The following LRP5 variants were observed in gnomAD, a reference collection of about 807,000 sequenced individuals.
The protein encoded by LRP5 is LDL receptor related protein 5.
Under a neutral mutation model 154.1 loss-of-function variants are expected in LRP5, and 62 were observed. The observed-to-expected ratio is 0.40, with a 90% CI of 0.33 to 0.50. The LOEUF is 0.50. Ranked by LOEUF, LRP5 falls within the 20% of genes least tolerant of loss-of-function variation. LRP5 has a pLI of 0.55. For missense variants in LRP5, 1,915 were observed against 2,336.7 expected (o/e 0.82, Z 3.72); for synonymous variants, 966 against 1,011.5 (o/e 0.96, Z 0.85).
chr11:68,418,792 A>G (rs976162422), intron 13 of LRP5, among the ~76,000 whole-genome samples: 1 of 152,124 alleles, frequency 6.6e-6, no homozygotes, highest in Non-Finnish European at 1.5e-5. Flanking sequence ...GGGTGGTGGA[A>G]ATGGATTCCT....
At chr11:68,352,003 C>T (rs2098619050) in intron 2 of LRP5, among the ~76,000 whole-genome samples, 1 of 151,978 alleles carries the variant, frequency 6.6e-6, no homozygotes, top group African/African-American at 2.4e-5. Flanking sequence ...GGAAACAGGG[C>T]CCAAGGTGTG....
rs2098620276 is a variant in LRP5 at position 68,353,238 on chromosome 11, CT to C, written c.489-4411del. On this transcript the variant is annotated intron_variant, in intron 2 of 22. Transcript: ENST00000294304. This position sits in a 1 kb window ranked among gnomAD's most constrained non-coding sequence, Gnocchi z 4.5. The stretch of plus-strand genomic sequence containing the variant: ...CACCTGTGGCTGTTCACTCCCACCC[CT>C]GCCCCTGGGGCAAAGTTGACCTTAG... 6.6e-6 allele frequency among the ~76,000 whole-genome samples: 1 copy of C among 152,226 alleles called. No individual in the cohort carries two copies. The highest frequency in any genetic ancestry group is 1.9e-4 in the East Asian group (1 of 5,192).
At chr11:68,422,646 G>T (rs1360330914) in intron 13 of LRP5, among the ~76,000 whole-genome samples, 1 of 152,174 alleles carries the variant, frequency 6.6e-6, no homozygotes, top group Non-Finnish European at 1.5e-5. Flanking sequence ...ACCCCAGAGA[G>T]TGTGGAGACG....
chr11:68,350,187 C>A (rs2098617105), intron 2 of LRP5, among the ~76,000 whole-genome samples: 1 of 152,228 alleles, frequency 6.6e-6, no homozygotes, highest in African/African-American at 2.4e-5. Context: ...CAGGCGTGCA[C>A]TACCACACCT....
intron 1 of LRP5, among the ~76,000 whole-genome samples, chr11:68,316,315 A>C (rs2153112016): frequency 6.6e-6 from 1 of 151,836 alleles, no homozygotes; most frequent in East Asian, 1.9e-4. Context: ...TCTGTTGCCC[A>C]GGTTGGAGTG....
chr11:68,340,039 G>C (rs1467060679), intron 1 of LRP5, among the ~76,000 whole-genome samples: 2 of 152,060 alleles, frequency 1.3e-5, no homozygotes, highest in African/African-American at 4.8e-5. Flanking sequence ...TCAGGAGTTC[G>C]AGACCAGCCT....
chr11:68,446,167 C>CTAGA (rs1161177344), intron 21 of LRP5, among the ~76,000 whole-genome samples: 1 of 152,216 alleles, frequency 6.6e-6, no homozygotes, highest in African/African-American at 2.4e-5. Context: ...AGCCCAGCAT[C>CTAGA]TGGTCACAAG....
chr11:68,397,058 T>C (rs2098649806), intron 7 of LRP5, among the ~76,000 whole-genome samples: 2 of 152,242 alleles, frequency 1.3e-5, no homozygotes, highest in South Asian at 4.1e-4. Context: ...TCTTCCTGAG[T>C]CTAGAGCCCC....
intron 6 of LRP5, among the ~76,000 whole-genome samples, chr11:68,389,186 A>G (rs1273988237): frequency 2.9e-3 from 7 of 2,434 alleles, no homozygotes; most frequent in South Asian, 0.015. Flanking sequence ...ACCGACACTG[A>G]TATTTACCAA....
intron 2 of LRP5, among the ~76,000 whole-genome samples, chr11:68,351,665 C>T (rs985948351): frequency 1.3e-5 from 2 of 152,210 alleles, no homozygotes; most frequent in African/African-American, 2.4e-5. Flanking sequence ...TGAGCCCTTG[C>T]GCCTGGTCCT....
intron 1 of LRP5, among the ~76,000 whole-genome samples, chr11:68,327,050 G>T (rs1470411826): frequency 3.3e-5 from 5 of 152,212 alleles, no homozygotes; most frequent in Non-Finnish European, 5.9e-5. Flanking sequence ...CAAGGTGGGG[G>T]TTATCTGCCC....
intron 7 of LRP5, among the ~76,000 whole-genome samples, chr11:68,392,317 A>C (rs1164768495): frequency 1.3e-5 from 2 of 152,250 alleles, no homozygotes; most frequent in African/African-American, 4.8e-5. Context: ...CAGCCTGGCC[A>C]ACATGATGAA....
chr11:68,362,462 C>T (rs568150549), intron 3 of LRP5, among the ~76,000 whole-genome samples: 12 of 152,254 alleles, frequency 7.9e-5, no homozygotes, highest in African/African-American at 2.4e-4. Context: ...GCGGGTGGAT[C>T]GCCTGAGCTC....
intron 5 of LRP5, among the ~76,000 whole-genome samples, chr11:68,376,064 A>C (rs1161666741): frequency 6.6e-6 from 1 of 152,048 alleles, no homozygotes; most frequent in East Asian, 1.9e-4. Flanking sequence ...GTGGGTGACA[A>C]AAGTAACGTT....
intron 5 of LRP5, among the ~76,000 whole-genome samples, chr11:68,378,245 C>G (rs2098638458): frequency 1.3e-5 from 2 of 152,256 alleles, no homozygotes; most frequent in Non-Finnish European, 2.9e-5. Context: ...TTCCTGCACA[C>G]TGGTGACCCA....
intron 5 of LRP5, among the ~76,000 whole-genome samples, chr11:68,383,607 C>A (rs560238887): frequency 6.6e-6 from 1 of 152,248 alleles, no homozygotes; most frequent in Non-Finnish European, 1.5e-5. Flanking sequence ...CCAGAGGTTT[C>A]GGTCTCGGAT....
chr11:68,403,797 G>A, intron 8 of LRP5, 98 bp downstream of exon 8: 3 of 1,439,200 alleles, frequency 2.1e-6, no homozygotes, highest in East Asian at 2.3e-5. Flanking sequence ...GAGCTCAGGT[G>A]CCCCGACCTG....
chr11:68,433,168 G>A (rs7120407), intron 17 of LRP5, among the ~76,000 whole-genome samples: 3,438 of 152,306 alleles, frequency 0.023, 134 homozygotes, highest in African/African-American at 0.078. Flanking sequence ...CTGCCCCTCT[G>A]GTCCTGAGGA....
intron 5 of LRP5, among the ~76,000 whole-genome samples, chr11:68,381,345 G>T (rs1260101014): frequency 6.6e-6 from 1 of 152,202 alleles, no homozygotes; most frequent in African/African-American, 2.4e-5. Flanking sequence ...CCCTCTGCAG[G>T]TTCTGCGTGT....
Sources: allele counts gnomAD v4.1 joint callset (sites outside exome capture counted in the v4.1 genomes callset), GRCh38; gene constraint gnomAD v4.1.1; non-coding constraint Gnocchi (gnomAD v3.1); transcripts MANE v1.5; gene names NCBI Gene and HGNC (gene_info 2026-07-23, HGNC 2026-07-21).